ATP6V0A2: variants seen among roughly 807,000 people sequenced by gnomAD.
ATP6V0A2 encodes V-type proton ATPase 116 kDa subunit a 2.
Under a neutral mutation model 104.4 loss-of-function variants are expected in ATP6V0A2, and 58 were observed. That is an observed-to-expected ratio of 0.56 (90% confidence interval 0.45 to 0.69). The LOEUF (loss-of-function observed/expected upper bound fraction) is 0.69. Among genes scored for constraint, ATP6V0A2 ranks in the 30% least tolerant of loss-of-function variants. The pLI, the probability that ATP6V0A2 is intolerant of heterozygous loss-of-function variation, is 0.00. For synonymous variants in ATP6V0A2, 376 were observed against 397.9 expected (o/e 0.95, Z 0.65); for missense variants, 938 against 1,062.9 (o/e 0.88, Z 1.63).
intron 5 of ATP6V0A2, among the ~76,000 whole-genome samples, chr12:123,727,328 G>A (rs1243326523): frequency 1.3e-5 from 2 of 149,082 alleles, no homozygotes; most frequent in East Asian, 3.9e-4. Context: ...TTGTTCTGTC[G>A]CCCAGGCTAG....
intron 2 of ATP6V0A2, among the ~76,000 whole-genome samples, chr12:123,720,979 T>C (rs1956393731): frequency 1.3e-5 from 2 of 150,884 alleles, no homozygotes. Flanking sequence ...ACAGTTTCTT[T>C]TCTTTTTCTT....
chr12:123,734,081 T>G, intron 7 of ATP6V0A2, 73 bp downstream of exon 7: 1 of 1,211,178 alleles, frequency 8.3e-7, no homozygotes. Flanking sequence ...TCAACATCCC[T>G]CTGGAGTCAG....
chr12:123,722,492 G>A (rs1468013272), intron 3 of ATP6V0A2, 44 bp downstream of exon 3: 39 of 1,130,778 alleles, frequency 3.4e-5, no homozygotes, highest in Non-Finnish European at 5.1e-5. Flanking sequence ...TTGATCTTGG[G>A]GGCTGCTTAC....
At chr12:123,713,547 T>A (rs1172240779) in intron 1 of ATP6V0A2, among the ~76,000 whole-genome samples, 1 of 152,122 alleles carries the variant, frequency 6.6e-6, no homozygotes, top group African/African-American at 2.4e-5. Context: ...TTTTCTTGAC[T>A]GCCCGCTATG....
chr12:123,756,712 TA>T, intron 18 of ATP6V0A2, 102 bp from the exon 19 acceptor site: 1 of 1,229,968 alleles, frequency 8.1e-7, no homozygotes. Context: ...TTTTATGGGA[TA>T]ATAGTTCAGG....
Position 123,758,072 on chromosome 12 carries a change from AATGACC to A in ATP6V0A2, c.*44_*49del, listed in dbSNP as rs1566295496. 1 of 1,380,192 alleles carries A rather than the reference AATGACC, an allele frequency of 7.2e-7. No homozygotes were observed. The highest frequency in any genetic ancestry group is 1.4e-5 in the African/African-American group (1 of 70,530). 85.5% of individuals were successfully genotyped at this position (1,380,192 alleles called of 1,614,324 possible). A position where few individuals can be genotyped will look rare whatever the true frequency, so the allele number is the denominator to read the frequency against. On this transcript the variant is annotated 3_prime_UTR_variant, in exon 20 of 20. Coordinates refer to ENST00000330342, the MANE Select transcript of ATP6V0A2 (RefSeq NM_012463.4). ...CCAACAAGCTTTCAGATTTATGGAG[AATGACC>A]ATGTTATAGACTTTCACTTATGTCA...
At chr12:123,726,078 T>G in intron 4 of ATP6V0A2, 119 bp from the exon 5 acceptor site, 1 of 750,534 alleles carries the variant, frequency 1.3e-6, no homozygotes. Context: ...CTCAGAAGTC[T>G]TTGCACCCAG....
chr12:123,725,566 C>T (rs1051340031), intron 4 of ATP6V0A2, among the ~76,000 whole-genome samples: 3 of 152,016 alleles, frequency 2.0e-5, no homozygotes, highest in African/African-American at 7.3e-5. Flanking sequence ...TGGCTTGAGC[C>T]CAGGAGTTCA....
chr12:123,743,762 A>G (rs369570498), intron 9 of ATP6V0A2, 23 bp from the exon 10 acceptor site: 17 of 1,613,258 alleles, frequency 1.1e-5, no homozygotes, highest in African/African-American at 2.7e-5. Context: ...GTAATTTTTT[A>G]TCTTTCCTTG....
At position 123,737,464 on chromosome 12, in the gene ATP6V0A2, G is replaced by A; in HGVS notation, c.1038+193G>A. ...GGGTTTTGCTGTGTTGCCCAGGCTGGTCTCAAACTCCTGGCCCCGAGCGAT... is the reference window on the plus strand; with the variant it reads ...GGGTTTTGCTGTGTTGCCCAGGCTGATCTCAAACTCCTGGCCCCGAGCGAT... On this transcript the variant is annotated intron_variant, in intron 9 of 19. Transcript: ENST00000330342. The A allele has an allele frequency of 6.4e-6, 4 of 627,636 alleles. No individual in the cohort carries two copies. In the South Asian group the frequency reaches 7.2e-5, roughly 11 times the overall value. 38.9% of individuals were successfully genotyped at this position (627,636 alleles called of 1,614,324 possible).
chr12:123,728,547 T>A (rs1956469903), intron 6 of ATP6V0A2, among the ~76,000 whole-genome samples: 1 of 83,216 alleles, frequency 1.2e-5, no homozygotes, highest in Non-Finnish European at 2.4e-5. Context: ...GTCCTGTCTC[T>A]CTGATCTCCT....
intron 9 of ATP6V0A2, among the ~76,000 whole-genome samples, chr12:123,740,291 G>A (rs982448523): frequency 2.7e-5 from 4 of 150,548 alleles, no homozygotes; most frequent in Admixed American, 6.7e-5. Flanking sequence ...TGCAACCTCT[G>A]CCTCCCAGGT....
intron 3 of ATP6V0A2, 136 bp downstream of exon 3, chr12:123,722,584 T>C (rs550250788): frequency 2.6e-5 from 18 of 685,566 alleles, no homozygotes; most frequent in Middle Eastern, 4.9e-4. Flanking sequence ...GGCAGAGAGA[T>C]TAAAGACCGC....
chr12:123,755,225 G>T (rs1336413810), intron 18 of ATP6V0A2, among the ~76,000 whole-genome samples: 2 of 152,124 alleles, frequency 1.3e-5, no homozygotes, highest in South Asian at 4.1e-4. Flanking sequence ...AATGTTGCAA[G>T]TGGGTTCAGA....
chr12:123,719,911 T>C (rs1446098936), intron 2 of ATP6V0A2, among the ~76,000 whole-genome samples: 1 of 152,152 alleles, frequency 6.6e-6, no homozygotes, highest in Non-Finnish European at 1.5e-5. Context: ...AGGTGATACA[T>C]GGCAAAGTTA....
In ATP6V0A2 at chr12:123,758,021, A is replaced by T. The variant is rs773898986; in HGVS notation, c.2560A>T (p.Ser854Cys). 1.2e-6 allele frequency: 2 copies of T among 1,609,872 alleles called. No homozygotes were observed. The highest frequency in any genetic ancestry group is 1.1e-5 in the South Asian group (1 of 91,004). ...LLSSKFNNDDSVA is the reference protein window; with the variant it reads ...LLSSKFNNDDCVA ...TTCATCAAAGTTCAATAACGACGAC[A>T]GTGTGGCATGATCATATTGCTGTAA... is the stretch of plus-strand genomic sequence containing the variant. Residue 854 changes from serine (S) to cysteine (C), a missense_variant, in exon 20 of 20, where the codon AGT becomes TGT. Coordinates refer to ENST00000330342, the MANE Select transcript of ATP6V0A2 (RefSeq NM_012463.4).
In ATP6V0A2 at chr12:123,748,666, T is replaced by C. The variant is rs1956685905; in HGVS notation, c.1816T>C (p.Phe606Leu). The C allele has an allele frequency of 6.2e-7, 1 of 1,614,158 alleles. No homozygotes were observed. The highest frequency in any genetic ancestry group is 8.5e-7 in the Non-Finnish European group (1 of 1,179,974). The change falls in exon 15 of 20, where the codon TTC (phenylalanine) becomes CTC (leucine). Residue 606 changes from phenylalanine (F) to leucine (L), a missense_variant. Coordinates refer to ENST00000330342, the MANE Select transcript of ATP6V0A2 (RefSeq NM_012463.4). ...CTTTGGATACCTTATATTTATGATTTTCTACAAGTGGCTGGTTTTTTCAGC... is the reference window on the plus strand; with the variant it reads ...CTTTGGATACCTTATATTTATGATTCTCTACAAGTGGCTGGTTTTTTCAGC... Reference protein sequence around the residue: ...CIFGYLIFMIFYKWLVFSAET... With the variant: ...CIFGYLIFMILYKWLVFSAET...
Position 123,744,680 on chromosome 12 carries a change from C to T in ATP6V0A2, c.1410C>T (p.Asp470=), listed in dbSNP as rs139718448. The part of the protein sequence containing the change: ...FSVYTGLIYN[D]CFSKSVNLFG... ...TGTACACTGGCCTCATCTACAACGA[C>T]TGCTTTTCAAAGTCAGTCAACCTGT... Residue 470 remains aspartate (D), a synonymous_variant, in exon 12 of 20, where the codon GAC becomes GAT. Coordinates refer to ENST00000330342, the MANE Select transcript of ATP6V0A2 (RefSeq NM_012463.4). This position sits in a 1 kb window ranked among gnomAD's most constrained non-coding sequence, Gnocchi z 5.4. The T allele has an allele frequency of 8.7e-6, 14 of 1,614,022 alleles. No homozygotes were observed. In the African/African-American group the frequency reaches 1.2e-4, roughly 14 times the overall value.
At chr12:123,719,512 T>C (rs1289247671) in intron 2 of ATP6V0A2, among the ~76,000 whole-genome samples, 1 of 151,880 alleles carries the variant, frequency 6.6e-6, no homozygotes, top group Non-Finnish European at 1.5e-5. Flanking sequence ...TCAGCCGCCC[T>C]AGTAGCTGGG....
Sources: allele counts gnomAD v4.1 joint callset (sites outside exome capture counted in the v4.1 genomes callset), GRCh38; gene constraint gnomAD v4.1.1; non-coding constraint Gnocchi (gnomAD v3.1); transcripts MANE v1.5; gene names NCBI Gene and HGNC (gene_info 2026-07-23, HGNC 2026-07-21).